CYP19A1: variants seen among roughly 807,000 people sequenced by gnomAD.
The protein encoded by CYP19A1 is aromatase.
Under a neutral mutation model 44.4 loss-of-function variants are expected in CYP19A1, and 32 were observed. The observed-to-expected ratio is 0.72, with a 90% CI of 0.54 to 0.97. The LOEUF (loss-of-function observed/expected upper bound fraction) is 0.97, where lower values mean the gene tolerates loss of function less well. CYP19A1 is among the 50% of genes least tolerant of loss of function. The probability of loss-of-function intolerance (pLI) is 0.00; values close to 1 mark genes in which losing one functional copy is unlikely to be tolerated. For synonymous variants in CYP19A1, 212 were observed against 215.6 expected, an observed-to-expected ratio of 0.98 and a Z score of 0.14; for missense variants, 598 against 637.8, an observed-to-expected ratio of 0.94 and a Z score of 0.67.
At chr15:51,326,575 A>G (rs553792462) in intron 1 of CYP19A1, among the ~76,000 whole-genome samples, 4 of 152,370 alleles carry the variant, frequency 2.6e-5, no homozygotes, top group Admixed American at 2.6e-4. Context: ...GTACCTAAAG[A>G]AAAGAACAAT....
intron 1 of CYP19A1, chr15:51,318,341 G>A (rs1296206601): frequency 6.6e-6 from 1 of 152,230 alleles, no homozygotes; most frequent in Non-Finnish European, 1.5e-5. Flanking sequence ...CAGCTCCAAA[G>A]ATAAGTTCCA....
chr15:51,308,414 T>G (rs1244348444), intron 1 of CYP19A1, among the ~76,000 whole-genome samples: 1 of 152,100 alleles, frequency 6.6e-6, no homozygotes, highest in African/African-American at 2.4e-5. Context: ...ATAGTTAGTT[T>G]CTGCATCATT....
chr15:51,276,451 G>A (rs945860495), intron 1 of CYP19A1, among the ~76,000 whole-genome samples: 1 of 152,178 alleles, frequency 6.6e-6, no homozygotes, highest in Non-Finnish European at 1.5e-5. Flanking sequence ...CCATACCTTT[G>A]CTTTCATGTT....
At chr15:51,310,520 T>C (rs2036292420) in intron 1 of CYP19A1, among the ~76,000 whole-genome samples, 1 of 152,164 alleles carries the variant, frequency 6.6e-6, no homozygotes, top group African/African-American at 2.4e-5. Context: ...GGACACACAG[T>C]CAGATGCAGC....
intron 5 of CYP19A1, 193 bp downstream of exon 5, chr15:51,222,156 C>T: frequency 9.7e-7 from 1 of 1,029,450 alleles, no homozygotes; most frequent in Non-Finnish European, 1.4e-6. Context: ...ATGCTGGCCC[C>T]TACTTTATGG....
At chr15:51,219,953 C>T (rs1456104447) in intron 5 of CYP19A1, among the ~76,000 whole-genome samples, 6 of 152,116 alleles carry the variant, frequency 3.9e-5, no homozygotes, top group Non-Finnish European at 8.8e-5. Context: ...ATTGTGGGCT[C>T]CCATCCAAAT....
intron 1 of CYP19A1, among the ~76,000 whole-genome samples, chr15:51,273,614 G>A (rs1424640111): frequency 6.6e-6 from 1 of 152,156 alleles, no homozygotes; most frequent in Non-Finnish European, 1.5e-5. Flanking sequence ...TAGCTGCACA[G>A]CCCTTGGGAA....
At position 51,209,524 on chromosome 15, in the gene CYP19A1, A is replaced by G. The variant is rs988879442; in HGVS notation, c.*1284T>C. On this transcript the variant is annotated 3_prime_UTR_variant, in exon 10 of 10. Coordinates refer to ENST00000396402, the MANE Select transcript of CYP19A1 (RefSeq NM_000103.4). ...TTTTAGTTTTTCAATGACATTCAGTAGAGATAGTTATATTGGCTATATAAC... is the reference window on the plus strand; with the variant it reads ...TTTTAGTTTTTCAATGACATTCAGTGGAGATAGTTATATTGGCTATATAAC... 3 of 152,512 alleles carry G rather than the reference A, an allele frequency of 2.0e-5. No individual in the cohort carries two copies. The highest frequency in any genetic ancestry group is 4.4e-5 in the Non-Finnish European group (3 of 68,034). 9.4% of individuals were successfully genotyped at this position (152,512 alleles called of 1,614,324 possible).
chr15:51,230,943 C>G lies in CYP19A1; in HGVS notation c.297-3010G>C, dbSNP rs564136513. ...GGCTGGTAACAAACATTTAAAAACA[C>G]TTGCCTCATGTAGATCTGTTCCATC... On this transcript the variant is annotated intron_variant, in intron 3 of 9. Transcript: ENST00000396402. 2.0e-5 allele frequency among the ~76,000 whole-genome samples: 3 copies of G among 152,296 alleles called. No individual in the cohort carries two copies. In the East Asian group the frequency reaches 5.8e-4, roughly 29 times the overall value.
intron 1 of CYP19A1, among the ~76,000 whole-genome samples, chr15:51,250,438 C>T (rs1238257967): frequency 6.6e-6 from 1 of 152,194 alleles, no homozygotes; most frequent in Non-Finnish European, 1.5e-5. Flanking sequence ...AATAGTAGTC[C>T]AAGAGTGCCC....
At chr15:51,288,464 A>C (rs573984659) in intron 1 of CYP19A1, among the ~76,000 whole-genome samples, 2 of 152,142 alleles carry the variant, frequency 1.3e-5, no homozygotes, top group East Asian at 3.9e-4. Flanking sequence ...GGAGTCTTGC[A>C]CCTCAGGTTT....
intron 1 of CYP19A1, among the ~76,000 whole-genome samples, chr15:51,300,197 G>C (rs919805113): frequency 5.9e-5 from 9 of 152,278 alleles, no homozygotes; most frequent in South Asian, 2.1e-4. Flanking sequence ...CCATTAAAAG[G>C]GTTTTGAGGA....
At chr15:51,309,792 A>G (rs755487614) in intron 1 of CYP19A1, among the ~76,000 whole-genome samples, 6 of 152,236 alleles carry the variant, frequency 3.9e-5, no homozygotes, top group Non-Finnish European at 8.8e-5. Flanking sequence ...CAGATCCACA[A>G]GATGTCTTGG....
intron 1 of CYP19A1, among the ~76,000 whole-genome samples, chr15:51,335,677 G>A (rs1217317729): frequency 6.6e-6 from 1 of 152,216 alleles, no homozygotes; most frequent in East Asian, 1.9e-4. Context: ...GGTTTCCATA[G>A]TGACAGAAGC....
intron 1 of CYP19A1, among the ~76,000 whole-genome samples, chr15:51,250,513 G>A (rs908923364): frequency 6.6e-6 from 1 of 152,202 alleles, no homozygotes; most frequent in Admixed American, 6.5e-5. Flanking sequence ...CTAATCTATT[G>A]TCTTCCCAGT....
intron 1 of CYP19A1, among the ~76,000 whole-genome samples, chr15:51,288,202 C>T (rs527392761): frequency 2.0e-5 from 3 of 152,276 alleles, no homozygotes; most frequent in Admixed American, 6.5e-5. Context: ...CTCCTGTCCC[C>T]AGCCCCTACC....
chr15:51,210,012 AT>A lies in CYP19A1; in HGVS notation c.*795del, dbSNP rs985067175. ...TTTGAATTTGAAGTGCATCATGTGA[AT>A]TTTTTTTTCTACAGCAGACACAGGG... On this transcript the variant is annotated 3_prime_UTR_variant, in exon 10 of 10. Coordinates refer to ENST00000396402, the MANE Select transcript of CYP19A1 (RefSeq NM_000103.4). The A allele has an allele frequency of 3.3e-5, 6 of 179,322 alleles. No individual in the cohort carries two copies. The highest frequency in any genetic ancestry group is 4.8e-5 in the African/African-American group (2 of 41,452). 11.1% of individuals were successfully genotyped at this position (179,322 alleles called of 1,614,324 possible). A position where few individuals can be genotyped will look rare whatever the true frequency, so the allele number is the denominator to read the frequency against.
At chr15:51,218,404 G>T in intron 6 of CYP19A1, 137 bp downstream of exon 6, 1 of 1,327,888 alleles carries the variant, frequency 7.5e-7, no homozygotes, top group Non-Finnish European at 1.0e-6. Flanking sequence ...TGTTTCATCA[G>T]CAACTTAATC....
chr15:51,213,391 C>G (rs902330372), intron 8 of CYP19A1, among the ~76,000 whole-genome samples: 1 of 152,152 alleles, frequency 6.6e-6, no homozygotes, highest in African/African-American at 2.4e-5. Context: ...GAAAAATAGC[C>G]CAGGGTCCTG....
Sources: allele counts gnomAD v4.1 joint callset (sites outside exome capture counted in the v4.1 genomes callset), GRCh38; gene constraint gnomAD v4.1.1; transcripts MANE v1.5; gene names NCBI Gene and HGNC (gene_info 2026-07-23, HGNC 2026-07-21).